The following MON2 variants were observed in gnomAD, a reference collection of about 807,000 sequenced individuals.
The protein encoded by MON2 is MON2 regulator of endosome-to-Golgi trafficking.
In MON2, 84 loss-of-function variants were observed where a neutral mutation model predicts 208.6. That is an observed-to-expected ratio of 0.40 (90% CI 0.34 to 0.48). The LOEUF (loss-of-function observed/expected upper bound fraction) is 0.48. Ranked by LOEUF, MON2 falls within the 20% of genes least tolerant of loss-of-function variation. MON2 has a pLI of 0.59. For synonymous variants in MON2, 660 were observed against 694.0 expected, an observed-to-expected ratio of 0.95 and a Z score of 0.77; for missense variants, 1,611 against 2,015.4, an observed-to-expected ratio of 0.80 and a Z score of 3.84.
rs190360214 is a variant in MON2 at position 62,526,409 on chromosome 12, G to A, written c.1400+307G>A. ...TTAGTTTCAGACCACTTGGGCTTAG[G>A]TCTTCTAATATTAGCTGAGTTACTG... On this transcript the variant is annotated intron_variant, in intron 11 of 34. Transcript: ENST00000393630. 1.8e-3 allele frequency among the ~76,000 whole-genome samples: 276 copies of A among 152,006 alleles called. 1 individual carries two copies. The highest frequency in any genetic ancestry group is 2.3e-3 in the Non-Finnish European group (157 of 67,960).
rs572838251 is a variant in MON2 at position 62,593,257 on chromosome 12, A to G, written c.*508A>G. On this transcript the variant is annotated 3_prime_UTR_variant, in exon 35 of 35. Transcript: ENST00000393630. The stretch of plus-strand genomic sequence containing the variant: ...AACTGATATACTTGTGTGTATAATA[A>G]ATGGTACAGTTCTGTATAAAATAGT... 2.0e-5 allele frequency: 3 copies of G among 153,154 alleles called. No homozygotes were observed. Among genetic ancestry groups the G allele is most frequent in the South Asian group, 2.1e-4 (1 of 4,844 alleles). The allele number at this position is 153,154 out of a possible 1,614,324, so 9.5% of individuals were successfully genotyped here.
intron 7 of MON2, among the ~76,000 whole-genome samples, chr12:62,505,806 G>A (rs1241354227): frequency 6.6e-6 from 1 of 151,954 alleles, no homozygotes; most frequent in Non-Finnish European, 1.5e-5. Context: ...TGGGAGGATC[G>A]TTTGACCCCA....
At chr12:62,589,744 TA>T (rs5798649) in intron 34 of MON2, among the ~76,000 whole-genome samples, 44,175 of 113,592 alleles carry the variant, frequency 0.39, 7,319 homozygotes, top group African/African-American at 0.46. Flanking sequence ...ACCCCATCTT[TA>T]AAAAAAAAAA....
Position 62,484,915 on chromosome 12 carries a change from C to CTTTTTTTTTTTTTTTTT in MON2, c.175+686_175+702dup, listed in dbSNP as rs71084000. The stretch of plus-strand genomic sequence containing the variant: ...TGAACATGGAAAAGAGGTAAACTGG[C>CTTTTTTTTTTTTTTTTT]TTTTTTTTTTTTTTTTTTTTAAGAA... On this transcript the variant is annotated intron_variant, in intron 2 of 34. Transcript: ENST00000393630. 3 of 132,550 alleles carry CTTTTTTTTTTTTTTTTT rather than the reference C, an allele frequency of 2.3e-5. 1 individual carries two copies. Among genetic ancestry groups the CTTTTTTTTTTTTTTTTT allele is most frequent in the Non-Finnish European group, 4.8e-5 (3 of 62,724 alleles). 8.2% of individuals were successfully genotyped at this position (132,550 alleles called of 1,614,324 possible). A position where few individuals can be genotyped will look rare whatever the true frequency, so the allele number is the denominator to read the frequency against.
Position 62,543,318 on chromosome 12 carries a change from G to A in MON2, c.2466+120G>A, listed in dbSNP as rs530606253. The A allele has an allele frequency of 1.4e-4, 64 of 469,916 alleles. No homozygotes were observed. In the South Asian group the frequency reaches 2.8e-3, roughly 21 times the overall value. The allele number at this position is 469,916 out of a possible 1,614,324, so 29.1% of individuals were successfully genotyped here. On this transcript the variant is annotated intron_variant, in intron 20 of 34. Transcript: ENST00000393630. ...CTTTTTTTCCCCCTTTCCTGACTGT[G>A]TACTTACTTATGTTTGTACATTTTA...
chr12:62,543,456 T>C (rs2073330555), intron 20 of MON2, among the ~76,000 whole-genome samples: 1 of 152,196 alleles, frequency 6.6e-6, no homozygotes. Flanking sequence ...AGCTGTTACC[T>C]TGAGATGCCT....
At chr12:62,590,829 G>T (rs2075376233) in intron 34 of MON2, among the ~76,000 whole-genome samples, 1 of 152,070 alleles carries the variant, frequency 6.6e-6, no homozygotes, top group African/African-American at 2.4e-5. Context: ...CACCACGTCT[G>T]GCTAATTTTT....
At chr12:62,504,446 A>G (rs2071003586) in intron 7 of MON2, among the ~76,000 whole-genome samples, 1 of 151,566 alleles carries the variant, frequency 6.6e-6, no homozygotes, top group South Asian at 2.1e-4. Flanking sequence ...ATGGGGTTTC[A>G]CCGTGTTGGC....
chr12:62,500,694 A>T, intron 5 of MON2, 89 bp from the exon 6 acceptor site: 1 of 638,924 alleles, frequency 1.6e-6, no homozygotes, highest in Non-Finnish European at 2.6e-6. Context: ...ATAAACAAAT[A>T]TTTATTTTAA....
chr12:62,475,125 C>T (rs1030985280), intron 1 of MON2, among the ~76,000 whole-genome samples: 1 of 151,932 alleles, frequency 6.6e-6, no homozygotes, highest in African/African-American at 2.4e-5. Flanking sequence ...GCTTTATCAC[C>T]CTCAAATCTT....
rs148911576 is a variant in MON2 at position 62,550,952 on chromosome 12, G to A, written c.2916+1122G>A. Among the ~76,000 whole-genome samples the A allele has an allele frequency of 2.8e-3, 354 of 126,694 alleles. 2 individuals are homozygous for A. The highest frequency in any genetic ancestry group is 0.01 in the African/African-American group (333 of 32,570). The allele number at this position is 126,694 out of a possible 152,430, so 83.1% of individuals were successfully genotyped here. A position where few individuals can be genotyped will look rare whatever the true frequency, so the allele number is the denominator to read the frequency against. ...TTTTTTTTCTGAGACGGAGTCTTGC[G>A]CTTGTTACCCAGGCTGAAGTGCAGT... On this transcript the variant is annotated intron_variant, in intron 23 of 34. Transcript: ENST00000393630.
At chr12:62,537,098 A>G (rs2073012116) in intron 14 of MON2, 53 bp from the exon 15 acceptor site, 2 of 1,097,918 alleles carry the variant, frequency 1.8e-6, no homozygotes, top group Admixed American at 5.0e-5. Flanking sequence ...ACATTACTTT[A>G]AATGCAATAT....
intron 19 of MON2, among the ~76,000 whole-genome samples, chr12:62,541,374 C>CAAAA (rs34466096): frequency 1.8e-5 from 2 of 108,860 alleles, no homozygotes. Flanking sequence ...AACTCTGTCT[C>CAAAA]AAAAAAAAAA....
intron 30 of MON2, among the ~76,000 whole-genome samples, chr12:62,572,647 TG>T (rs1311280921): frequency 5.3e-5 from 8 of 152,176 alleles, no homozygotes; most frequent in Admixed American, 3.9e-4. Context: ...AGGGTCTCAC[TG>T]TGTTGCCTAG....
chr12:62,477,869 G>A (rs1271204767), intron 1 of MON2, among the ~76,000 whole-genome samples: 4 of 152,112 alleles, frequency 2.6e-5, no homozygotes, highest in Admixed American at 2.6e-4. Context: ...CCTTCAAAAT[G>A]GTGTCATATG....
chr12:62,597,612 G>GGC lies in MON2; in HGVS notation c.*4864_*4865insCG, dbSNP rs2075554221. 6.6e-6 allele frequency: 1 copy of GGC among 152,116 alleles called. No homozygotes were observed. The highest frequency in any genetic ancestry group is 1.5e-5 in the Non-Finnish European group (1 of 68,024). 9.4% of individuals were successfully genotyped at this position (152,116 alleles called of 1,614,324 possible). On this transcript the variant is annotated 3_prime_UTR_variant, in exon 35 of 35. Transcript: ENST00000393630. ...CTCCTACTGTCTTTATGAATACACG[G>GGC]GATTCAGCAGCCAAGATGCTCACAA...
intron 1 of MON2, among the ~76,000 whole-genome samples, chr12:62,475,532 A>G (rs1001325778): frequency 1.2e-4 from 18 of 151,786 alleles, no homozygotes; most frequent in Admixed American, 7.2e-4. Flanking sequence ...TAGGTATACA[A>G]ATGCTTTGCA....
chr12:62,534,532 AAAAAAAAAAAAT>A (rs1361831111), intron 12 of MON2, among the ~76,000 whole-genome samples: 2,275 of 49,170 alleles, frequency 0.046, 58 homozygotes, highest in African/African-American at 0.067. Flanking sequence ...AAAAAAAAAA[AAAAAAAAAAAAT>A]ATATATATAT....
intron 8 of MON2, among the ~76,000 whole-genome samples, chr12:62,520,782 C>T (rs1429371466): frequency 6.7e-6 from 1 of 149,778 alleles, no homozygotes; most frequent in Non-Finnish European, 1.5e-5. Flanking sequence ...AAAAAATTAG[C>T]CGGGTGTGGT....
Sources: allele counts gnomAD v4.1 joint callset (sites outside exome capture counted in the v4.1 genomes callset), GRCh38; gene constraint gnomAD v4.1.1; transcripts MANE v1.5; gene names NCBI Gene and HGNC (gene_info 2026-07-23, HGNC 2026-07-21).